RAPGEF4: variants seen among roughly 807,000 people sequenced by gnomAD.
The protein encoded by RAPGEF4 is Rap guanine nucleotide exchange factor 4.
Under a neutral mutation model 147.9 loss-of-function variants are expected in RAPGEF4, and 66 were observed. That is an observed-to-expected ratio of 0.45 (90% CI 0.37 to 0.55). The LOEUF is 0.55. Ranked by LOEUF, RAPGEF4 falls within the 20% of genes least tolerant of loss-of-function variation. The probability of loss-of-function intolerance (pLI) is 0.00; values close to 1 mark genes in which losing one functional copy is unlikely to be tolerated. For synonymous variants in RAPGEF4, 419 were observed against 442.7 expected (o/e 0.95, Z 0.67); for missense variants, 1,071 against 1,257.3 (o/e 0.85, Z 2.24).
chr2:172,755,136 G>C (rs1398219800), intron 1 of RAPGEF4, among the ~76,000 whole-genome samples: 1 of 152,150 alleles, frequency 6.6e-6, no homozygotes, highest in Non-Finnish European at 1.5e-5. Flanking sequence ...TGTGCTTGCT[G>C]ATGCCGGGCT....
At chr2:172,866,175 C>T (rs957021029) in intron 4 of RAPGEF4, among the ~76,000 whole-genome samples, 2 of 152,116 alleles carry the variant, frequency 1.3e-5, no homozygotes, top group Non-Finnish European at 2.9e-5. Flanking sequence ...TCTACTCTAT[C>T]TCCCCTTTTA....
At chr2:172,972,565 G>A (rs73977745) in intron 10 of RAPGEF4, among the ~76,000 whole-genome samples, 10 of 152,284 alleles carry the variant, frequency 6.6e-5, no homozygotes, top group African/African-American at 1.2e-4. Context: ...AGATTTTGGC[G>A]TCACAAGTGA....
chr2:172,826,265 T>C (rs897349682), intron 4 of RAPGEF4, among the ~76,000 whole-genome samples: 2 of 152,234 alleles, frequency 1.3e-5, no homozygotes, highest in African/African-American at 4.8e-5. Context: ...TCTTTTTTTG[T>C]GTGCATCCAT....
At position 172,887,565 on chromosome 2, in the gene RAPGEF4, A is replaced by G. The variant is rs139338300; in HGVS notation, c.445-30237A>G. Among the ~76,000 whole-genome samples the G allele has an allele frequency of 3.3e-4, 51 of 152,276 alleles. No homozygotes were observed. In the East Asian group the frequency reaches 9.9e-3, roughly 29 times the overall value. On this transcript the variant is annotated intron_variant, in intron 4 of 30. Transcript: ENST00000397081. ...AACACAGCCACACTCGTTTATTCAT[A>G]TATCGTTTATGCTTGCTTTAGTGTT...
chr2:172,821,715 G>C (rs1384143490), intron 4 of RAPGEF4: 39 of 393,324 alleles, frequency 9.9e-5, no homozygotes, highest in Non-Finnish European at 1.4e-4. Context: ...AGGGAGTGAA[G>C]TTATTAGGAG....
At chr2:172,936,738 G>C (rs4972519) in intron 6 of RAPGEF4, among the ~76,000 whole-genome samples, 122,995 of 151,934 alleles carry the variant, frequency 0.81, 51,842 homozygotes, top group East Asian at 0.98. Context: ...TTTTCCTCTG[G>C]TATCATTTCT....
intron 8 of RAPGEF4, among the ~76,000 whole-genome samples, chr2:172,962,220 C>T (rs1193840125): frequency 2.0e-5 from 3 of 152,200 alleles, no homozygotes; most frequent in Non-Finnish European, 4.4e-5. Flanking sequence ...TCAGACATGA[C>T]TGCCCTCTTT....
At chr2:173,034,288 C>T (rs544803654) in intron 27 of RAPGEF4, among the ~76,000 whole-genome samples, 6 of 152,246 alleles carry the variant, frequency 3.9e-5, no homozygotes, top group East Asian at 3.9e-4. Context: ...TATTTTTCCC[C>T]GTTGGCTGGA....
intron 6 of RAPGEF4, among the ~76,000 whole-genome samples, chr2:172,927,206 G>A (rs1439537758): frequency 6.6e-6 from 1 of 152,192 alleles, no homozygotes; most frequent in East Asian, 1.9e-4. Flanking sequence ...AAGTTTCACA[G>A]TTTGTGGAAA....
chr2:173,011,426 G>T (rs1249961508), intron 17 of RAPGEF4, among the ~76,000 whole-genome samples: 1 of 151,828 alleles, frequency 6.6e-6, no homozygotes, highest in African/African-American at 2.4e-5. Flanking sequence ...TTTCCCCACC[G>T]GTAAATATTT....
chr2:173,022,529 C>A (rs560716672), intron 23 of RAPGEF4, among the ~76,000 whole-genome samples: 1 of 152,286 alleles, frequency 6.6e-6, no homozygotes, highest in African/African-American at 2.4e-5. Context: ...GAGGAGGAGT[C>A]GCACAGAGGA....
intron 3 of RAPGEF4, among the ~76,000 whole-genome samples, chr2:172,806,084 GGA>G (rs1328664904): frequency 6.7e-6 from 1 of 149,538 alleles, no homozygotes; most frequent in Non-Finnish European, 1.5e-5. Flanking sequence ...AGAGAGAAAG[GGA>G]GAGAGAAGGT....
chr2:172,945,824 A>G (rs1687624144), intron 6 of RAPGEF4, among the ~76,000 whole-genome samples: 1 of 152,212 alleles, frequency 6.6e-6, no homozygotes, highest in Non-Finnish European at 1.5e-5. Context: ...GACACTGGCT[A>G]TGTTCAAGTG....
At chr2:172,946,338 T>G (rs776626571) in intron 6 of RAPGEF4, among the ~76,000 whole-genome samples, 24 of 152,218 alleles carry the variant, frequency 1.6e-4, no homozygotes, top group Non-Finnish European at 3.4e-4. Context: ...TTAAACTTTT[T>G]TATACTTTCC....
intron 29 of RAPGEF4, among the ~76,000 whole-genome samples, chr2:173,039,192 T>C (rs943418239): frequency 6.6e-6 from 1 of 152,024 alleles, no homozygotes; most frequent in Non-Finnish European, 1.5e-5. Flanking sequence ...GTGTGGTGGC[T>C]CACGCCTGTA....
chr2:172,940,477 C>T (rs1313765026), intron 6 of RAPGEF4, among the ~76,000 whole-genome samples: 1 of 151,960 alleles, frequency 6.6e-6, no homozygotes, highest in African/African-American at 2.4e-5. Flanking sequence ...GTGGCACCTC[C>T]CCACAACTCT....
chr2:172,963,275 C>T (rs1282964258), intron 8 of RAPGEF4, among the ~76,000 whole-genome samples: 1 of 152,006 alleles, frequency 6.6e-6, no homozygotes, highest in Non-Finnish European at 1.5e-5. Flanking sequence ...CATATCAGGC[C>T]CCCTACATAC....
At chr2:172,852,626 C>T (rs1042034743) in intron 4 of RAPGEF4, among the ~76,000 whole-genome samples, 1 of 152,128 alleles carries the variant, frequency 6.6e-6, no homozygotes, top group African/African-American at 2.4e-5. Flanking sequence ...ATGCCTCTGA[C>T]TTATTTTTCC....
intron 3 of RAPGEF4, among the ~76,000 whole-genome samples, chr2:172,808,521 G>GA (rs1286339064): frequency 2.6e-5 from 4 of 152,210 alleles, no homozygotes; most frequent in Admixed American, 2.0e-4. Context: ...TTAAATGATA[G>GA]AAAAAAACTG....
Sources: gnomAD v4.1 joint callset for allele counts (sites outside exome capture counted in the v4.1 genomes callset) on GRCh38, gnomAD v4.1.1 for gene constraint, MANE v1.5 for transcripts, NCBI Gene and HGNC (gene_info 2026-07-23, HGNC 2026-07-21) for gene names.